Variants in IBTK observed in about 807,000 individuals in gnomAD.
IBTK encodes the protein inhibitor of Bruton tyrosine kinase.
Under a neutral mutation model 154.9 loss-of-function variants are expected in IBTK, and 83 were observed. The observed-to-expected ratio is 0.54, with a 90% CI of 0.45 to 0.64. The LOEUF is 0.64. Among genes scored for constraint, IBTK ranks in the 30% least tolerant of loss-of-function variants. The probability of loss-of-function intolerance (pLI) is 0.00; values close to 1 mark genes in which losing one functional copy is unlikely to be tolerated. For synonymous variants in IBTK, 515 were observed against 536.1 expected (o/e 0.96, Z 0.54); for missense variants, 1,332 against 1,584.6 (o/e 0.84, Z 2.71).
chr6:82,226,590 G>A (rs1770306016), intron 5 of IBTK, among the ~76,000 whole-genome samples: 2 of 148,674 alleles, frequency 1.3e-5, no homozygotes, highest in African/African-American at 2.4e-5. Context: ...TACAATTAGT[G>A]TGCCTTCTTT....
At chr6:82,220,912 T>C (rs995345335) in intron 8 of IBTK, among the ~76,000 whole-genome samples, 199 bp from the exon 9 acceptor site, 2 of 148,708 alleles carry the variant, frequency 1.3e-5, no homozygotes, top group Non-Finnish European at 3.0e-5. Context: ...CTATGTCAAG[T>C]CTTTTTCTCT....
At chr6:82,227,102 C>A in intron 5 of IBTK, 90 bp downstream of exon 5, 1 of 757,186 alleles carries the variant, frequency 1.3e-6, no homozygotes, top group Admixed American at 2.4e-5. Flanking sequence ...TTCGTCCTTA[C>A]AGTTGAAAAA....
chr6:82,215,517 T>C (rs980226793), intron 11 of IBTK, among the ~76,000 whole-genome samples: 1 of 152,122 alleles, frequency 6.6e-6, no homozygotes, highest in Non-Finnish European at 1.5e-5. Context: ...CAGGGTGCGG[T>C]GGCTCATGCC....
intron 28 of IBTK, among the ~76,000 whole-genome samples, chr6:82,171,950 G>A (rs550124037): frequency 6.6e-6 from 1 of 152,170 alleles, no homozygotes. Flanking sequence ...AAGCCTGGCT[G>A]TCTGGTCTTT....
chr6:82,178,637 A>G (rs931565295), intron 26 of IBTK, among the ~76,000 whole-genome samples: 5 of 152,220 alleles, frequency 3.3e-5, no homozygotes, highest in Non-Finnish European at 7.3e-5. Context: ...CATTGAACAT[A>G]TAATTAAACA....
chr6:82,238,135 C>G (rs748933766), intron 2 of IBTK, among the ~76,000 whole-genome samples: 54 of 151,716 alleles, frequency 3.6e-4, no homozygotes, highest in Non-Finnish European at 7.5e-4. Flanking sequence ...TCTCAGGTAT[C>G]GGGAAGGCTG....
At chr6:82,198,064 A>C (rs1432093447) in intron 21 of IBTK, among the ~76,000 whole-genome samples, 1 of 152,226 alleles carries the variant, frequency 6.6e-6, no homozygotes, top group Non-Finnish European at 1.5e-5. Flanking sequence ...CACTACTTCA[A>C]ATCACTTATG....
chr6:82,179,905 CT>C (rs1244960904), intron 26 of IBTK, among the ~76,000 whole-genome samples: 1 of 152,092 alleles, frequency 6.6e-6, no homozygotes, highest in Middle Eastern at 3.2e-3. Flanking sequence ...AGTTTTCAGG[CT>C]TCTGAAATGG....
At chr6:82,222,828 C>A (rs2127819976) in intron 8 of IBTK, among the ~76,000 whole-genome samples, 1 of 151,368 alleles carries the variant, frequency 6.6e-6, no homozygotes. Flanking sequence ...CTTTGGGAGG[C>A]TGAGACAGGA....
chr6:82,199,450 A>G (rs1769117895), intron 21 of IBTK, among the ~76,000 whole-genome samples: 1 of 152,206 alleles, frequency 6.6e-6, no homozygotes, highest in Non-Finnish European at 1.5e-5. Flanking sequence ...TAGAAAAACT[A>G]CATAACCTGA....
At chr6:82,226,604 G>GTTTTTTT (rs201331625) in intron 5 of IBTK, among the ~76,000 whole-genome samples, 2 of 144,964 alleles carry the variant, frequency 1.4e-5, no homozygotes, top group Non-Finnish European at 1.5e-5. Context: ...CTTCTTTTTT[G>GTTTTTTT]TTTTTTTTTT....
At chr6:82,231,961 T>A in intron 3 of IBTK, 119 bp from the exon 4 acceptor site, 1 of 540,780 alleles carries the variant, frequency 1.8e-6, no homozygotes, top group Admixed American at 3.6e-5. Flanking sequence ...ATTAATATGA[T>A]ATTAGGTAAT....
intron 23 of IBTK, among the ~76,000 whole-genome samples, chr6:82,193,482 T>C (rs1768859449): frequency 6.6e-6 from 1 of 151,940 alleles, no homozygotes. Flanking sequence ...ATGAAGCACA[T>C]AAAATGGAAC....
intron 25 of IBTK, among the ~76,000 whole-genome samples, chr6:82,182,661 C>CA (rs1306536486): frequency 5.3e-5 from 8 of 151,940 alleles, no homozygotes; most frequent in Non-Finnish European, 1.2e-4. Flanking sequence ...TGGCAAACCC[C>CA]AAAAAAGATA....
chr6:82,207,275 G>A (rs933097594), intron 16 of IBTK, among the ~76,000 whole-genome samples: 1 of 151,980 alleles, frequency 6.6e-6, no homozygotes, highest in Non-Finnish European at 1.5e-5. Flanking sequence ...AAAATCAATT[G>A]TAATTCTAAA....
In IBTK at chr6:82,247,685, C is replaced by T. The variant is rs1258958174; in HGVS notation, c.-481G>A. On this transcript the variant is annotated 5_prime_UTR_variant, in exon 1 of 29. Transcript: ENST00000306270. ...CGCCAGAGGGGCCAGTCCCCAGACC[C>T]GGGTCAGTTCGGCAGGCGGCTGCAA... 1 of 398,728 alleles carries T rather than the reference C, an allele frequency of 2.5e-6. No homozygotes were observed. Among genetic ancestry groups the T allele is most frequent in the East Asian group, 3.6e-5 (1 of 28,082 alleles). The allele number at this position is 398,728 out of a possible 1,614,324, so 24.7% of individuals were successfully genotyped here. A position where few individuals can be genotyped will look rare whatever the true frequency, so the allele number is the denominator to read the frequency against.
chr6:82,228,571 CA>C (rs1770377823), intron 4 of IBTK, among the ~76,000 whole-genome samples: 2 of 151,730 alleles, frequency 1.3e-5, no homozygotes, highest in South Asian at 2.1e-4. Flanking sequence ...TACTACTAAA[CA>C]ACAGTTGCAA....
intron 8 of IBTK, among the ~76,000 whole-genome samples, chr6:82,221,415 T>G (rs2127819388): frequency 6.6e-6 from 1 of 152,284 alleles, no homozygotes. Flanking sequence ...ATTTTAAACC[T>G]CAAAATTAAA....
chr6:82,207,742 A>T (rs1181709354), intron 16 of IBTK, among the ~76,000 whole-genome samples: 3 of 152,214 alleles, frequency 2.0e-5, no homozygotes, highest in Non-Finnish European at 4.4e-5. Context: ...GAGTTCAGTG[A>T]AATAGAACTG....
Sources: gnomAD v4.1 joint callset for allele counts (sites outside exome capture counted in the v4.1 genomes callset) on GRCh38, gnomAD v4.1.1 for gene constraint, MANE v1.5 for transcripts, NCBI Gene and HGNC (gene_info 2026-07-23, HGNC 2026-07-21) for gene names.